Variants in ZNF644 observed in about 807,000 individuals in gnomAD.
The protein encoded by ZNF644 is zinc finger protein 644.
Under a neutral mutation model 108.0 loss-of-function variants are expected in ZNF644, and 20 were observed. That is an observed-to-expected ratio of 0.19 (90% CI 0.13 to 0.27). The LOEUF is 0.27. ZNF644 is among the 10% of genes least tolerant of loss of function. The pLI, the probability that ZNF644 is intolerant of heterozygous loss-of-function variation, is 1.00. For synonymous variants in ZNF644, 542 were observed against 539.1 expected, an observed-to-expected ratio of 1.01 and a Z score of -0.08; for missense variants, 1,338 against 1,548.9, an observed-to-expected ratio of 0.86 and a Z score of 2.29.
intron 2 of ZNF644, among the ~76,000 whole-genome samples, chr1:90,976,893 C>A (rs890597470): frequency 1.3e-5 from 2 of 151,974 alleles, no homozygotes; most frequent in Non-Finnish European, 2.9e-5. Context: ...ATAAAGGCAT[C>A]ACACTAGAAA....
At chr1:90,944,152 C>A (rs1175881737) in intron 2 of ZNF644, among the ~76,000 whole-genome samples, 1 of 152,154 alleles carries the variant, frequency 6.6e-6, no homozygotes, top group African/African-American at 2.4e-5. Flanking sequence ...ATGTTCCACC[C>A]ATCTGTTCTG....
rs559770225 is a variant in ZNF644 at position 90,970,783 on chromosome 1, C to A, written c.44+11527G>T. ...ATATATGGCTGAGGAGGGCAGATCA[C>A]AAGGTCAAGAGATAGAGACCATCCT... On this transcript the variant is annotated intron_variant, in intron 2 of 5. Coordinates refer to ENST00000337393, the MANE Select transcript of ZNF644 (RefSeq NM_201269.3). Among the ~76,000 whole-genome samples the A allele has an allele frequency of 2.6e-4, 40 of 151,992 alleles. 1 individual carries two copies. Among genetic ancestry groups the A allele is most frequent in the Non-Finnish European group, 8.8e-5 (6 of 67,974 alleles).
intron 4 of ZNF644, among the ~76,000 whole-genome samples, chr1:90,920,154 A>G (rs1387125348): frequency 6.6e-6 from 1 of 152,002 alleles, no homozygotes; most frequent in Non-Finnish European, 1.5e-5. Flanking sequence ...TATTCTTTCC[A>G]TCTGTAAAGA....
chr1:91,004,583 T>C (rs772833950), intron 1 of ZNF644, among the ~76,000 whole-genome samples: 11 of 152,100 alleles, frequency 7.2e-5, no homozygotes, highest in Admixed American at 2.0e-4. Flanking sequence ...ATGGTGAAGG[T>C]AACCACATAG....
chr1:90,945,815 T>C (rs536031820), intron 2 of ZNF644, among the ~76,000 whole-genome samples: 59 of 152,216 alleles, frequency 3.9e-4, no homozygotes, highest in African/African-American at 1.3e-3. Flanking sequence ...TTATTGCAAG[T>C]AGGTTAACAT....
At position 90,940,632 on chromosome 1, in the gene ZNF644, A is replaced by T. The variant is rs943041734; in HGVS notation, c.722T>A (p.Val241Glu). The T allele has an allele frequency of 1.2e-6, 2 of 1,613,806 alleles. No homozygotes were observed. Among genetic ancestry groups the T allele is most frequent in the African/African-American group, 2.7e-5 (2 of 74,878 alleles). Residue 241 changes from valine (V) to glutamate (E), a missense_variant, in exon 3 of 6, where the codon GTA (valine) becomes GAA (glutamate). By Grantham distance (121) the Val-to-Glu change is moderately radical. Coordinates refer to ENST00000337393, the MANE Select transcript of ZNF644 (RefSeq NM_201269.3). Reference sequence around the variant, plus strand: ...ATCTGTACCTGAGGAAATTCCCGTTACTGTATTGACACAATCATCTTTCAC... The same window carrying T: ...ATCTGTACCTGAGGAAATTCCCGTTTCTGTATTGACACAATCATCTTTCAC... ...LLVKDDCVNT[V>E]TGISSGTDGF...
intron 1 of ZNF644, among the ~76,000 whole-genome samples, chr1:90,983,653 A>G (rs1384287179): frequency 6.6e-6 from 1 of 152,130 alleles, no homozygotes; most frequent in Non-Finnish European, 1.5e-5. Flanking sequence ...GAGGCCGGGC[A>G]CAGTGGCTCA....
At position 90,938,941 on chromosome 1, in the gene ZNF644, G is replaced by A. The variant is rs373222039; in HGVS notation, c.2413C>T (p.Arg805Cys). 1.9e-5 allele frequency: 30 copies of A among 1,613,826 alleles called. No homozygotes were observed. The highest frequency in any genetic ancestry group is 5.3e-5 in the African/African-American group (4 of 74,892). Reference sequence around the variant, plus strand: ...TTAATTACTCTCTTTACAGCTACACGTCTGTGATCTTTGAAGCTTTCAGGC... The same window carrying A: ...TTAATTACTCTCTTTACAGCTACACATCTGTGATCTTTGAAGCTTTCAGGC... ...KRPESFKDHRRVAVKRVIKES... is the reference protein window; with the variant it reads ...KRPESFKDHRCVAVKRVIKES... Residue 805 changes from arginine (R) to cysteine (C), a missense_variant, in exon 3 of 6, where the codon CGT becomes TGT. Physicochemically the swap from Arg to Cys is radical, Grantham distance 180. Coordinates refer to ENST00000337393, the MANE Select transcript of ZNF644 (RefSeq NM_201269.3). This position sits in a 1 kb window ranked among gnomAD's most constrained non-coding sequence, Gnocchi z 4.2.
At chr1:91,012,113 A>G (rs958935400) in intron 1 of ZNF644, among the ~76,000 whole-genome samples, 123 of 152,144 alleles carry the variant, frequency 8.1e-4, no homozygotes, top group African/African-American at 2.6e-3. Flanking sequence ...CACTGGGGGG[A>G]AAAAAGGGCC....
intron 1 of ZNF644, among the ~76,000 whole-genome samples, chr1:91,004,839 C>T (rs1659254568): frequency 6.6e-6 from 1 of 151,980 alleles, no homozygotes; most frequent in African/African-American, 2.4e-5. Flanking sequence ...TAAAAGTATA[C>T]AGTACAAAAC....
At chr1:90,985,699 C>G (rs1246845004) in intron 1 of ZNF644, among the ~76,000 whole-genome samples, 1 of 152,192 alleles carries the variant, frequency 6.6e-6, no homozygotes, top group East Asian at 1.9e-4. Context: ...ATCCTTTCAT[C>G]CAATGATGGA....
chr1:90,924,837 G>A (rs748892287), intron 4 of ZNF644, among the ~76,000 whole-genome samples: 2 of 151,474 alleles, frequency 1.3e-5, no homozygotes, highest in Admixed American at 6.6e-5. Context: ...TCAAACCCTA[G>A]GCATACCAAA....
rs755623753 is a variant in ZNF644, at chr1:90,939,093, C to T, written c.2261G>A (p.Gly754Asp). 8.7e-6 allele frequency: 14 copies of T among 1,613,816 alleles called. No homozygotes were observed. The highest frequency in any genetic ancestry group is 1.1e-5 in the Non-Finnish European group (13 of 1,179,906). ...YENYRMIKKS[G>D]ESYPVHFKKE... ...TTTGAAATGCACAGGATATGATTCA[C>T]CTGATTTTTTGATCATCCTATAGTT... Residue 754 changes from glycine (G) to aspartate (D), a missense_variant, in exon 3 of 6, where the codon GGT becomes GAT. By Grantham distance (94) the Gly-to-Asp change is moderately conservative. Coordinates refer to ENST00000337393, the MANE Select transcript of ZNF644 (RefSeq NM_201269.3).
At chr1:91,002,357 C>G (rs1057086670) in intron 1 of ZNF644, among the ~76,000 whole-genome samples, 6 of 152,010 alleles carry the variant, frequency 3.9e-5, no homozygotes, top group African/African-American at 1.5e-4. Context: ...CAGAACAGAG[C>G]CCTCAGAAAT....
chr1:90,933,619 G>A (rs554239177), intron 4 of ZNF644, among the ~76,000 whole-genome samples: 13 of 152,172 alleles, frequency 8.5e-5, no homozygotes, highest in African/African-American at 2.9e-4. Context: ...AGCCGAGATC[G>A]CGCCACTGCA....
intron 2 of ZNF644, among the ~76,000 whole-genome samples, chr1:90,942,924 A>T (rs938239785): frequency 5.9e-5 from 9 of 152,156 alleles, no homozygotes; most frequent in Non-Finnish European, 1.2e-4. Context: ...ATGGTAAACA[A>T]GACAAGTTAG....
At chr1:91,012,901 A>G (rs1660090603) in intron 1 of ZNF644, among the ~76,000 whole-genome samples, 1 of 152,164 alleles carries the variant, frequency 6.6e-6, no homozygotes, top group Non-Finnish European at 1.5e-5. Flanking sequence ...CCTTTTCTCA[A>G]TTCTCATCCT....
chr1:90,983,224 G>A (rs976999167), intron 1 of ZNF644, among the ~76,000 whole-genome samples: 1 of 151,922 alleles, frequency 6.6e-6, no homozygotes, highest in African/African-American at 2.4e-5. Context: ...TCTCTGATTT[G>A]TCCTTCCTAG....
chr1:90,947,970 T>C (rs1273099904), intron 2 of ZNF644, among the ~76,000 whole-genome samples: 1 of 152,296 alleles, frequency 6.6e-6, no homozygotes, highest in East Asian at 1.9e-4. Flanking sequence ...ATCATTGTCA[T>C]TGTAAGTCAG....
Sources: gnomAD v4.1 joint callset for allele counts (sites outside exome capture counted in the v4.1 genomes callset) on GRCh38, gnomAD v4.1.1 for gene constraint, Gnocchi (gnomAD v3.1) non-coding constraint, MANE v1.5 for transcripts, NCBI Gene and HGNC (gene_info 2026-07-23, HGNC 2026-07-21) for gene names.